PLA2G4E: variants seen among roughly 807,000 people sequenced by gnomAD.
PLA2G4E encodes cytosolic phospholipase A2 epsilon.
Under a neutral mutation model 109.1 loss-of-function variants are expected in PLA2G4E, and 84 were observed. That is an observed-to-expected ratio of 0.77 (90% CI 0.65 to 0.92). The LOEUF (loss-of-function observed/expected upper bound fraction) is 0.92, where lower values mean the gene tolerates loss of function less well. Ranked by LOEUF, PLA2G4E falls within the 40% of genes least tolerant of loss-of-function variation. The probability of loss-of-function intolerance (pLI) is 0.00; values close to 1 mark genes in which losing one functional copy is unlikely to be tolerated. For missense variants in PLA2G4E, 1,057 were observed against 1,076.6 expected, an observed-to-expected ratio of 0.98 and a Z score of 0.25; for synonymous variants, 469 against 436.1, an observed-to-expected ratio of 1.08 and a Z score of -0.94.
At chr15:41,995,660 G>A (rs943046679) in intron 11 of PLA2G4E, among the ~76,000 whole-genome samples, 164 bp from the exon 12 acceptor site, 3 of 152,042 alleles carry the variant, frequency 2.0e-5, no homozygotes, top group Admixed American at 6.5e-5. Context: ...TTTCCACAGA[G>A]CAGTGGGTCT....
intron 1 of PLA2G4E, among the ~76,000 whole-genome samples, chr15:42,047,428 A>G (rs1889434054): frequency 6.6e-6 from 1 of 151,522 alleles, no homozygotes; most frequent in African/African-American, 2.4e-5. Context: ...ACTCACTTTT[A>G]TAACAATCCC....
At chr15:42,018,106 C>A (rs935251861) in intron 1 of PLA2G4E, among the ~76,000 whole-genome samples, 7 of 152,206 alleles carry the variant, frequency 4.6e-5, no homozygotes, top group African/African-American at 1.7e-4. Flanking sequence ...ATTCCAGGAA[C>A]CAGGTCTATG....
chr15:42,018,404 G>T (rs776534355), intron 1 of PLA2G4E, among the ~76,000 whole-genome samples: 45 of 152,146 alleles, frequency 3.0e-4, no homozygotes, highest in Non-Finnish European at 5.1e-4. Context: ...GGCTGGGATT[G>T]GGTATCAGGG....
intron 1 of PLA2G4E, among the ~76,000 whole-genome samples, chr15:42,037,743 C>T (rs541087149): frequency 1.3e-5 from 2 of 152,314 alleles, no homozygotes; most frequent in East Asian, 1.9e-4. Context: ...ACTCCCTCTT[C>T]GGGGCCCTGT....
rs1192279648 is a variant in PLA2G4E at position 42,007,728 on chromosome 15, C to T, written c.393+1G>A. 1.2e-6 allele frequency: 2 copies of T among 1,611,478 alleles called. No homozygotes were observed. Among genetic ancestry groups the T allele is most frequent in the Non-Finnish European group, 1.7e-6 (2 of 1,178,940 alleles). ...GACAGGTGCAGTCCTCCATGTCTCA[C>T]CTTCACTCGGCTCTGGATCTGGAAG... On this transcript the variant is annotated splice_donor_variant, in intron 3 of 19. Coordinates refer to ENST00000399518, the Ensembl canonical transcript of PLA2G4E. LOFTEE classifies it high-confidence loss of function.
chr15:42,018,544 C>T (rs997908730), intron 1 of PLA2G4E, among the ~76,000 whole-genome samples: 15 of 152,098 alleles, frequency 9.9e-5, no homozygotes, highest in Admixed American at 7.9e-4. Context: ...GACCAGGGAG[C>T]ACTTGAAGAC....
chr15:41,989,581 A>G, intron 14 of PLA2G4E, 29 bp from the exon 15 acceptor site: 1 of 1,602,852 alleles, frequency 6.2e-7, no homozygotes, highest in Non-Finnish European at 8.5e-7. Flanking sequence ...GACGGGGGTC[A>G]GTCTCAGGCC....
chr15:41,989,830 G>A (rs188597809), intron 14 of PLA2G4E, among the ~76,000 whole-genome samples: 11 of 152,298 alleles, frequency 7.2e-5, no homozygotes, highest in South Asian at 2.1e-4. Context: ...CAGCTCTCTC[G>A]AGTCTCTCTC....
In PLA2G4E at chr15:41,993,113, C is replaced by T. The variant is rs576856411; in HGVS notation, c.1248-154G>A. 2.6e-5 allele frequency among the ~76,000 whole-genome samples: 4 copies of T among 152,310 alleles called. No homozygotes were observed. In the East Asian group the frequency reaches 7.7e-4, roughly 29 times the overall value. Reference sequence around the variant, plus strand: ...AGGGGTGAGGCAGAGACCTGGCAGACAGTGAGGAGCAGGGGAGGTGAACAT... The same window carrying T: ...AGGGGTGAGGCAGAGACCTGGCAGATAGTGAGGAGCAGGGGAGGTGAACAT... On this transcript the variant is annotated intron_variant, in intron 12 of 19. Transcript: ENST00000399518.
At chr15:42,004,379 A>G (rs2068452368) in intron 5 of PLA2G4E, among the ~76,000 whole-genome samples, 1 of 133,432 alleles carries the variant, frequency 7.5e-6, no homozygotes, top group South Asian at 2.7e-4. Flanking sequence ...AGGGAGAAAA[A>G]GGGAGGAAGG....
intron 1 of PLA2G4E, among the ~76,000 whole-genome samples, chr15:42,042,241 G>T (rs1712433): frequency 0.095 from 14,497 of 152,000 alleles, 736 homozygotes; most frequent in South Asian, 0.2. Context: ...TACAATACGA[G>T]CTTAATTTTA....
chr15:42,027,877 C>CCATAATGTATGGGGCCTGGGCCACCCTT (rs1158323961), intron 1 of PLA2G4E, among the ~76,000 whole-genome samples: 1 of 152,250 alleles, frequency 6.6e-6, no homozygotes, highest in East Asian at 1.9e-4. Flanking sequence ...GGGCCACCCT[C>CCATAATGTATGGGGCCTGGGCCACCCTT]CACCTCTCAT....
At chr15:42,022,959 A>G (rs571188751) in intron 1 of PLA2G4E, among the ~76,000 whole-genome samples, 1 of 152,268 alleles carries the variant, frequency 6.6e-6, no homozygotes, top group East Asian at 1.9e-4. Flanking sequence ...TGGGCTTTAG[A>G]CGAGGAATGG....
At chr15:41,985,728 G>C in intron 18 of PLA2G4E, 111 bp downstream of exon 18, 1 of 1,322,048 alleles carries the variant, frequency 7.6e-7, no homozygotes, top group Non-Finnish European at 1.0e-6. Flanking sequence ...GCTCTCTGGG[G>C]GCTGTCTAGA....
At chr15:42,021,130 G>A (rs761434772) in intron 1 of PLA2G4E, among the ~76,000 whole-genome samples, 88 bp from the exon 1 acceptor site, 38 of 151,932 alleles carry the variant, frequency 2.5e-4, no homozygotes, top group Non-Finnish European at 4.9e-4. Flanking sequence ...GGATTGCTCT[G>A]GGAGTGGTTT....
rs749844933 is a variant in PLA2G4E at position 42,010,098 on chromosome 15, C to T, written c.257-2233G>A. On this transcript the variant is annotated intron_variant, in intron 2 of 19. Transcript: ENST00000399518. ...ACTCACCAGGAACCTGCTCAGCCCT[C>T]TTGAACCCTTCCCTTGGCTTTTCCA... The T allele has an allele frequency of 2.5e-5, 13 of 516,434 alleles. 1 individual carries two copies. Among genetic ancestry groups the T allele is most frequent in the South Asian group, 1.9e-4 (13 of 66,696 alleles). 32.0% of individuals were successfully genotyped at this position (516,434 alleles called of 1,614,324 possible). A position where few individuals can be genotyped will look rare whatever the true frequency, so the allele number is the denominator to read the frequency against.
chr15:42,012,111 C>T (rs1490894285), intron 2 of PLA2G4E, among the ~76,000 whole-genome samples: 1 of 152,224 alleles, frequency 6.6e-6, no homozygotes, highest in Admixed American at 6.5e-5. Flanking sequence ...CTCTGGAATC[C>T]TGCTTGGTCC....
intron 1 of PLA2G4E, among the ~76,000 whole-genome samples, chr15:42,050,257 T>C (rs182383355): frequency 2.8e-4 from 43 of 152,346 alleles, no homozygotes; most frequent in Middle Eastern, 3.4e-3. Context: ...CAAATGCAGA[T>C]ACTGATTCCT....
rs1289087936 is a variant in PLA2G4E at position 41,989,306 on chromosome 15, G to A, written c.1723+109C>T. ...AGTGACTTGGGACCACTCCTAGGAT[G>A]AGACAATGCTGGCAAGTGCCCCGAG... On this transcript the variant is annotated intron_variant, in intron 15 of 19. Coordinates refer to ENST00000399518, the Ensembl canonical transcript of PLA2G4E. 5 of 1,464,242 alleles carry A rather than the reference G, an allele frequency of 3.4e-6. No homozygotes were observed. The African/African-American group carries it at 5.6e-5, about 16-fold the overall frequency. 90.7% of individuals were successfully genotyped at this position (1,464,242 alleles called of 1,614,324 possible).
Sources: allele counts gnomAD v4.1 joint callset (sites outside exome capture counted in the v4.1 genomes callset), GRCh38; gene constraint gnomAD v4.1.1; transcripts MANE v1.5; gene names NCBI Gene and HGNC (gene_info 2026-07-23, HGNC 2026-07-21).